The following CPNE4 variants were observed in gnomAD, a reference collection of about 807,000 sequenced individuals.
CPNE4 encodes the protein copine-4.
A neutral mutation model predicts 67.9 loss-of-function variants in CPNE4; 25 were observed. The observed-to-expected ratio is 0.37, with a 90% CI of 0.27 to 0.51. The LOEUF (loss-of-function observed/expected upper bound fraction) is 0.51. Ranked by LOEUF, CPNE4 falls within the 20% of genes least tolerant of loss-of-function variation. CPNE4 has a pLI of 0.93. For synonymous variants in CPNE4, 242 were observed against 244.9 expected (o/e 0.99, Z 0.11); for missense variants, 464 against 690.8 (o/e 0.67, Z 3.68).
chr3:131,928,746 G>T (rs543112205), intron 1 of CPNE4, among the ~76,000 whole-genome samples: 1 of 152,336 alleles, frequency 6.6e-6, no homozygotes, highest in South Asian at 2.1e-4. Flanking sequence ...AGCCAGGCAA[G>T]ACTGGTATAG....
chr3:131,576,878 G>T (rs1937562320), intron 9 of CPNE4, among the ~76,000 whole-genome samples: 2 of 152,044 alleles, frequency 1.3e-5, no homozygotes, highest in Admixed American at 6.6e-5. Context: ...GGGCATATAA[G>T]GTGGGAGAAC....
At chr3:131,973,878 C>T (rs140998172) in intron 1 of CPNE4, among the ~76,000 whole-genome samples, 4 of 152,284 alleles carry the variant, frequency 2.6e-5, no homozygotes, top group African/African-American at 4.8e-5. Flanking sequence ...GTTTGCCAAG[C>T]GTAACGTTAT....
At chr3:131,922,012 G>C (rs2070750700) in intron 1 of CPNE4, among the ~76,000 whole-genome samples, 1 of 152,146 alleles carries the variant, frequency 6.6e-6, no homozygotes. Flanking sequence ...GGTTCGGAGT[G>C]TGATGGATCT....
At chr3:132,023,949 A>C (rs2074060106) in intron 1 of CPNE4, among the ~76,000 whole-genome samples, 1 of 152,212 alleles carries the variant, frequency 6.6e-6, no homozygotes, top group African/African-American at 2.4e-5. Context: ...GAGTCTAGAA[A>C]AGATGTTACT....
At chr3:131,796,317 G>C (rs914496680) in intron 2 of CPNE4, among the ~76,000 whole-genome samples, 3 of 152,112 alleles carry the variant, frequency 2.0e-5, no homozygotes, top group Non-Finnish European at 2.9e-5. Context: ...GGTCACTACC[G>C]ACCTCCCTTT....
chr3:132,011,508 AG>A (rs1168819154), intron 1 of CPNE4, among the ~76,000 whole-genome samples: 1 of 152,216 alleles, frequency 6.6e-6, no homozygotes, highest in Non-Finnish European at 1.5e-5. Flanking sequence ...AGAAAAACCT[AG>A]TACCTGCAAA....
intron 2 of CPNE4, among the ~76,000 whole-genome samples, chr3:131,866,872 A>G (rs1327844786): frequency 2.6e-5 from 4 of 152,226 alleles, no homozygotes; most frequent in Admixed American, 2.6e-4. Context: ...AGATTAAGGA[A>G]AGACAAAGGC....
At chr3:131,965,617 A>G (rs1417337358) in intron 1 of CPNE4, among the ~76,000 whole-genome samples, 4 of 151,990 alleles carry the variant, frequency 2.6e-5, no homozygotes, top group African/African-American at 7.3e-5. Flanking sequence ...AAAGATCAAA[A>G]AAGACAAAGA....
At chr3:131,945,950 A>T (rs998940383) in intron 1 of CPNE4, among the ~76,000 whole-genome samples, 2 of 152,210 alleles carry the variant, frequency 1.3e-5, no homozygotes, top group Non-Finnish European at 2.9e-5. Context: ...AAGAATAGAC[A>T]AGTTGCTACC....
intron 1 of CPNE4, among the ~76,000 whole-genome samples, chr3:131,943,655 C>A (rs2071465580): frequency 6.6e-6 from 1 of 152,082 alleles, no homozygotes; most frequent in African/African-American, 2.4e-5. Flanking sequence ...CTTAATCAAT[C>A]TCCCAGCCTC....
chr3:131,962,452 C>T (rs539511276), intron 1 of CPNE4, among the ~76,000 whole-genome samples: 34 of 152,278 alleles, frequency 2.2e-4, no homozygotes, highest in African/African-American at 8.2e-4. Flanking sequence ...TGTGCTCAGA[C>T]ACTCCAGAAC....
chr3:131,675,729 C>T lies in CPNE4; in HGVS notation c.592-5965G>A, dbSNP rs2107664365. Among the ~76,000 whole-genome samples, 5 of 150,336 alleles carry T rather than the reference C, an allele frequency of 3.3e-5. 1 individual carries two copies. In the South Asian group the frequency reaches 1.1e-3, roughly 32 times the overall value. On this transcript the variant is annotated intron_variant, in intron 6 of 15. Coordinates refer to ENST00000429747, the MANE Select transcript of CPNE4 (RefSeq NM_130808.3). ...AGTGTATTTTTTGTAGTCTAAATAT[C>T]ACTGGATCTTGTTTTTATCCATTCG... is the stretch of plus-strand genomic sequence containing the variant.
chr3:131,776,504 A>G (rs928944696), intron 2 of CPNE4, among the ~76,000 whole-genome samples: 2 of 152,092 alleles, frequency 1.3e-5, no homozygotes, highest in African/African-American at 4.8e-5. Flanking sequence ...TCCTGTCACC[A>G]CCCACAAGGG....
At chr3:131,934,776 G>A (rs1417188648) in intron 1 of CPNE4, among the ~76,000 whole-genome samples, 2 of 152,102 alleles carry the variant, frequency 1.3e-5, no homozygotes, top group African/African-American at 2.4e-5. Flanking sequence ...GGAGCTAGAG[G>A]GAATACCTAC....
At chr3:131,742,595 G>A (rs2082385803) in intron 2 of CPNE4, among the ~76,000 whole-genome samples, 1 of 152,116 alleles carries the variant, frequency 6.6e-6, no homozygotes, top group Admixed American at 6.5e-5. Flanking sequence ...TTTCTCTTAT[G>A]TATATGGAAC....
chr3:131,815,881 C>T (rs745315714), intron 2 of CPNE4, among the ~76,000 whole-genome samples: 15 of 151,906 alleles, frequency 9.9e-5, no homozygotes, highest in Non-Finnish European at 2.1e-4. Context: ...GGTTAGTTCA[C>T]AGTGTTCCTA....
intron 2 of CPNE4, among the ~76,000 whole-genome samples, chr3:131,877,418 A>C (rs1402284528): frequency 6.6e-6 from 1 of 152,138 alleles, no homozygotes; most frequent in African/African-American, 2.4e-5. Context: ...GCAAACCAGA[A>C]ACTTCTTGTT....
intron 1 of CPNE4, among the ~76,000 whole-genome samples, chr3:131,954,226 A>T (rs2071866442): frequency 6.6e-6 from 1 of 152,184 alleles, no homozygotes. Context: ...AAAATATGAC[A>T]TTGTATACTT....
At chr3:131,846,208 A>G (rs1476578340) in intron 2 of CPNE4, among the ~76,000 whole-genome samples, 2 of 152,202 alleles carry the variant, frequency 1.3e-5, no homozygotes, top group Non-Finnish European at 2.9e-5. Flanking sequence ...ATACATGTAA[A>G]TCACTTAGAA....
Sources: gnomAD v4.1 joint callset for allele counts (sites outside exome capture counted in the v4.1 genomes callset) on GRCh38, gnomAD v4.1.1 for gene constraint, MANE v1.5 for transcripts, NCBI Gene and HGNC (gene_info 2026-07-23, HGNC 2026-07-21) for gene names.